The following UTRN variants were observed in gnomAD, a reference collection of about 807,000 sequenced individuals.
UTRN encodes utrophin.
UTRN carries 283 observed loss-of-function variants against 463.9 expected under a neutral mutation model. That is an observed-to-expected ratio of 0.61 (90% confidence interval 0.55 to 0.67). UTRN has a LOEUF of 0.67. UTRN is among the 30% of genes least tolerant of loss of function. The pLI is 0.00. For missense variants in UTRN, 3,922 were observed against 4,084.3 expected (o/e 0.96, Z 1.08); for synonymous variants, 1,442 against 1,431.5 (o/e 1.01, Z -0.17).
intron 60 of UTRN, among the ~76,000 whole-genome samples, chr6:144,778,474 G>T (rs1412629126): frequency 1.3e-5 from 2 of 152,064 alleles, no homozygotes; most frequent in African/African-American, 2.4e-5. Context: ...AGAGAATCTG[G>T]AGCCATCCAA....
Position 144,586,510 on chromosome 6 carries a change from T to C in UTRN, c.7479+9222T>C, listed in dbSNP as rs199956489. Among the ~76,000 whole-genome samples, 23 of 152,304 alleles carry C rather than the reference T, an allele frequency of 1.5e-4. No individual in the cohort carries two copies. In the East Asian group the frequency reaches 4.2e-3, roughly 28 times the overall value. On this transcript the variant is annotated intron_variant, in intron 51 of 74. Coordinates refer to ENST00000367545, the MANE Select transcript of UTRN (RefSeq NM_007124.3). Reference sequence around the variant, plus strand: ...TCATGCCTATAAAATAATTTTTCTTTTAGTAGAGCACAGTAGAAAAAAAGC... The same window carrying C: ...TCATGCCTATAAAATAATTTTTCTTCTAGTAGAGCACAGTAGAAAAAAAGC...
chr6:144,566,005 G>T (rs1800370044), intron 50 of UTRN, among the ~76,000 whole-genome samples: 1 of 150,816 alleles, frequency 6.6e-6, no homozygotes. Context: ...ATGATTAAAT[G>T]CAGAGGGGAC....
At chr6:144,315,712 C>A (rs1238256006) in intron 2 of UTRN, among the ~76,000 whole-genome samples, 1 of 152,222 alleles carries the variant, frequency 6.6e-6, no homozygotes, top group African/African-American at 2.4e-5. Context: ...GCTGTGCTGG[C>A]TGGATTTCAG....
rs781146324 is a variant in UTRN, at chr6:144,523,004, A to G, written c.5734-12A>G. ...TGCTGGATTTTGTTAATCTATGACAATATATTTTTAGAATATCAAAGACCA... is the reference window on the plus strand; with the variant it reads ...TGCTGGATTTTGTTAATCTATGACAGTATATTTTTAGAATATCAAAGACCA... On this transcript the variant is annotated splice_polypyrimidine_tract_variant and intron_variant, in intron 40 of 74. Coordinates refer to ENST00000367545, the MANE Select transcript of UTRN (RefSeq NM_007124.3). 3 of 1,570,422 alleles carry G rather than the reference A, an allele frequency of 1.9e-6. No homozygotes were observed. In the African/African-American group the frequency reaches 4.1e-5, roughly 22 times the overall value.
intron 74 of UTRN, 101 bp downstream of exon 74, chr6:144,846,928 A>ATT (rs1450089929): frequency 6.1e-6 from 9 of 1,473,468 alleles, no homozygotes; most frequent in Non-Finnish European, 7.6e-6. Flanking sequence ...CTCCATGTAA[A>ATT]TAAGTAAACT....
At chr6:144,383,224 G>T (rs1013046310) in intron 2 of UTRN, among the ~76,000 whole-genome samples, 1 of 152,074 alleles carries the variant, frequency 6.6e-6, no homozygotes, top group Non-Finnish European at 1.5e-5. Flanking sequence ...GAGTCATTGC[G>T]CCCAGGCCAT....
At chr6:144,287,250 C>T (rs1803777798) in intron 1 of UTRN, among the ~76,000 whole-genome samples, 1 of 152,172 alleles carries the variant, frequency 6.6e-6, no homozygotes, top group East Asian at 1.9e-4. Context: ...TTTTACCAGC[C>T]TTTATGGGAC....
chr6:144,614,940 C>A (rs1464200115), intron 51 of UTRN, among the ~76,000 whole-genome samples: 3 of 151,968 alleles, frequency 2.0e-5, no homozygotes, highest in Non-Finnish European at 2.9e-5. Context: ...TTTAAGAAAC[C>A]CTCAACATTT....
chr6:144,580,115 T>C (rs1174995159), intron 51 of UTRN, among the ~76,000 whole-genome samples: 2 of 152,206 alleles, frequency 1.3e-5, no homozygotes, highest in African/African-American at 2.4e-5. Context: ...TAAACAGACA[T>C]TTAAAATAGA....
chr6:144,686,406 C>T (rs1055889536), intron 52 of UTRN, among the ~76,000 whole-genome samples: 2 of 152,096 alleles, frequency 1.3e-5, no homozygotes, highest in Admixed American at 6.6e-5. Context: ...GTTCAGTGCG[C>T]TTGTTCTAGA....
intron 2 of UTRN, among the ~76,000 whole-genome samples, chr6:144,321,692 G>A (rs1391789920): frequency 1.3e-5 from 2 of 151,352 alleles, no homozygotes; most frequent in Admixed American, 6.6e-5. Flanking sequence ...GGCTGGTTTC[G>A]AACTCCTGGC....
chr6:144,576,923 C>T (rs1801493538), intron 50 of UTRN, among the ~76,000 whole-genome samples, 176 bp from the exon 51 acceptor site: 1 of 152,044 alleles, frequency 6.6e-6, no homozygotes, highest in Admixed American at 6.6e-5. Context: ...TCACATGATC[C>T]CTCCACTAAG....
chr6:144,825,563 T>G (rs1389732663), intron 66 of UTRN, among the ~76,000 whole-genome samples: 1 of 152,128 alleles, frequency 6.6e-6, no homozygotes, highest in African/African-American at 2.4e-5. Flanking sequence ...CCATTCTCAT[T>G]TTTTAGGTCA....
chr6:144,488,481 T>C (rs549393433), intron 29 of UTRN, among the ~76,000 whole-genome samples, 192 bp from the exon 30 acceptor site: 187 of 152,310 alleles, frequency 1.2e-3, no homozygotes, highest in African/African-American at 4.4e-3. Context: ...TAATTAGTAA[T>C]TCAGCTGCAT....
chr6:144,399,054 T>A (rs1782707163), intron 2 of UTRN, among the ~76,000 whole-genome samples: 1 of 152,212 alleles, frequency 6.6e-6, no homozygotes, highest in Non-Finnish European at 1.5e-5. Flanking sequence ...ATTTTTAATT[T>A]TGGCTTTTTT....
intron 52 of UTRN, among the ~76,000 whole-genome samples, chr6:144,690,095 T>TTG (rs1554339292): frequency 4.6e-3 from 153 of 33,440 alleles, no homozygotes; most frequent in Middle Eastern, 0.028. Context: ...TTTTTTTTTT[T>TTG]TGTGTGTGTG....
Position 144,700,015 on chromosome 6 carries a change from A to C in UTRN, c.7653-72A>C, listed in dbSNP as rs1007664176. On this transcript the variant is annotated intron_variant, in intron 52 of 74. Transcript: ENST00000367545. The stretch of plus-strand genomic sequence containing the variant: ...CAGATAAGATTATTATGCTAAAGGA[A>C]GGTAGATAATTTTGTGAATGTAATT... 3 of 1,443,030 alleles carry C rather than the reference A, an allele frequency of 2.1e-6. No individual in the cohort carries two copies. In the African/African-American group the frequency reaches 4.2e-5, roughly 20 times the overall value. The allele number at this position is 1,443,030 out of a possible 1,614,324, so 89.4% of individuals were successfully genotyped here.
chr6:144,695,045 T>C lies in UTRN; in HGVS notation c.7653-5042T>C, dbSNP rs141164938. Among the ~76,000 whole-genome samples, 768 of 152,088 alleles carry C rather than the reference T, an allele frequency of 5.0e-3. 6 individuals are homozygous for C. The highest frequency in any genetic ancestry group is 0.018 in the African/African-American group (744 of 41,488). On this transcript the variant is annotated intron_variant, in intron 52 of 74. Coordinates refer to ENST00000367545, the MANE Select transcript of UTRN (RefSeq NM_007124.3). ...GCTACTTGGAGTATTTAATATGCAT[T>C]GGTTCTGTATTTCACATTATGCTTT...
chr6:144,422,575 G>A (rs926489315), intron 4 of UTRN, among the ~76,000 whole-genome samples: 5 of 151,022 alleles, frequency 3.3e-5, no homozygotes, highest in Non-Finnish European at 5.9e-5. Flanking sequence ...CCGAGATTGC[G>A]CCACTGCACT....
Sources: allele counts gnomAD v4.1 joint callset (sites outside exome capture counted in the v4.1 genomes callset), GRCh38; gene constraint gnomAD v4.1.1; transcripts MANE v1.5; gene names NCBI Gene and HGNC (gene_info 2026-07-23, HGNC 2026-07-21).